The following P4HA1 variants were observed in gnomAD, a reference collection of about 807,000 sequenced individuals.
The protein encoded by P4HA1 is prolyl 4-hydroxylase subunit alpha 1.
A neutral mutation model predicts 72.8 loss-of-function variants in P4HA1; 24 were observed. That is an observed-to-expected ratio of 0.33 (90% CI 0.24 to 0.46). The LOEUF (loss-of-function observed/expected upper bound fraction) is 0.46. P4HA1 is among the 20% of genes least tolerant of loss of function. The pLI is 1.00. For missense variants in P4HA1, 446 were observed against 640.6 expected (o/e 0.70, Z 3.28); for synonymous variants, 201 against 218.8 (o/e 0.92, Z 0.72).
chr10:73,014,432 T>C, intron 11 of P4HA1, 143 bp from the exon 12 acceptor site: 1 of 622,448 alleles, frequency 1.6e-6, no homozygotes, highest in Middle Eastern at 3.4e-4. Flanking sequence ...TCCAGTGCAC[T>C]ATAAACATCA....
At chr10:73,079,511 G>GC (rs1841777393) in intron 1 of P4HA1, among the ~76,000 whole-genome samples, 2 of 152,194 alleles carry the variant, frequency 1.3e-5, no homozygotes, top group Admixed American at 1.3e-4. Flanking sequence ...GGAGGCCAAG[G>GC]TGGATGGATC....
At chr10:73,028,244 GAAGAA>G (rs1015143751) in intron 10 of P4HA1, among the ~76,000 whole-genome samples, 8 of 148,438 alleles carry the variant, frequency 5.4e-5, no homozygotes, top group East Asian at 2.0e-4. Flanking sequence ...AAAAAAAACA[GAAGAA>G]AAGACCACGT....
chr10:73,075,419 T>A (rs759509293), intron 1 of P4HA1, among the ~76,000 whole-genome samples: 1 of 152,160 alleles, frequency 6.6e-6, no homozygotes, highest in East Asian at 1.9e-4. Context: ...TAGATAAAAA[T>A]GTATGTTTGT....
chr10:73,046,391 T>C (rs949129564), intron 8 of P4HA1, among the ~76,000 whole-genome samples: 3 of 152,178 alleles, frequency 2.0e-5, no homozygotes, highest in African/African-American at 7.2e-5. Context: ...ACTAAGCTTA[T>C]AGATTGGGTT....
intron 2 of P4HA1, among the ~76,000 whole-genome samples, chr10:73,074,322 A>G (rs1841640508): frequency 6.6e-6 from 1 of 152,154 alleles, no homozygotes; most frequent in Non-Finnish European, 1.5e-5. Context: ...TCATAAGTAT[A>G]TAATACTTAT....
intron 14 of P4HA1, among the ~76,000 whole-genome samples, chr10:73,009,464 T>C (rs186132114): frequency 7.1e-4 from 108 of 152,348 alleles, no homozygotes; most frequent in Admixed American, 3.4e-3. Context: ...ACTTAGGCAG[T>C]CACCATCTTC....
intron 5 of P4HA1, among the ~76,000 whole-genome samples, chr10:73,060,821 A>T (rs1295822112): frequency 6.6e-6 from 1 of 152,166 alleles, no homozygotes; most frequent in Non-Finnish European, 1.5e-5. Flanking sequence ...AAAAAAAATA[A>T]TAATATCCAT....
chr10:73,040,019 T>G (rs1423114529), intron 9 of P4HA1, among the ~76,000 whole-genome samples: 2 of 151,786 alleles, frequency 1.3e-5, no homozygotes, highest in East Asian at 3.9e-4. Flanking sequence ...GCACCATCAC[T>G]CTCAGCTAAT....
chr10:73,063,949 G>A (rs928771440), intron 5 of P4HA1, among the ~76,000 whole-genome samples: 3 of 151,556 alleles, frequency 2.0e-5, no homozygotes, highest in African/African-American at 7.3e-5. Flanking sequence ...AGAAAACAAA[G>A]AAGAAAATGA....
intron 14 of P4HA1, among the ~76,000 whole-genome samples, chr10:73,008,943 T>C (rs1465609786): frequency 6.6e-6 from 1 of 152,152 alleles, no homozygotes. Context: ...CATCAAACCC[T>C]GACAATTTTC....
rs766663733 is a variant in P4HA1 at position 73,014,278 on chromosome 10, T to C, written c.1314A>G (p.Pro438=). The C allele has an allele frequency of 6.2e-7, 1 of 1,612,210 alleles. No individual in the cohort carries two copies. The highest frequency in any genetic ancestry group is 2.2e-5 in the East Asian group (1 of 44,858). Residue 438 remains proline (P), a synonymous_variant, in exon 12 of 15, where the codon CCA becomes CCG. Coordinates refer to ENST00000394890, the MANE Select transcript of P4HA1 (RefSeq NM_001017962.3). ...CTGTCCCCAGCTCTTTGAAAGCATCTGGCTCATCTTTCTGTGAATAAAAAC... is the reference window on the plus strand; with the variant it reads ...CTGTCCCCAGCTCTTTGAAAGCATCCGGCTCATCTTTCTGTGAATAAAAAC... The part of the protein sequence containing the change: ...PHFDFARKDE[P]DAFKELGTGN...
At chr10:73,024,769 G>T (rs1009102860) in intron 10 of P4HA1, among the ~76,000 whole-genome samples, 1 of 151,982 alleles carries the variant, frequency 6.6e-6, no homozygotes, top group Admixed American at 6.6e-5. Context: ...AGAAAAGAGA[G>T]AATAATCAAA....
intron 8 of P4HA1, among the ~76,000 whole-genome samples, chr10:73,045,653 G>C (rs1211191456): frequency 2.6e-5 from 4 of 152,012 alleles, no homozygotes; most frequent in Non-Finnish European, 5.9e-5. Flanking sequence ...TGACCGCCTA[G>C]ATAATAATTT....
At chr10:73,085,673 G>A (rs748403397) in intron 1 of P4HA1, among the ~76,000 whole-genome samples, 40 of 151,978 alleles carry the variant, frequency 2.6e-4, no homozygotes, top group Admixed American at 5.9e-4. Context: ...GTGACCCACC[G>A]CACCCGGCCA....
intron 7 of P4HA1, among the ~76,000 whole-genome samples, chr10:73,047,549 CAAAA>C (rs1167975608): frequency 1.2e-4 from 7 of 59,120 alleles, no homozygotes; most frequent in East Asian, 6.1e-4. Context: ...ATGCTTGTGG[CAAAA>C]AAAAAAAAAA....
In P4HA1 at chr10:73,009,846, G is replaced by T. The variant is rs200529312; in HGVS notation, c.1495C>A (p.Arg499=). 3.7e-5 allele frequency: 59 copies of T among 1,608,976 alleles called. No individual in the cohort carries two copies. Among genetic ancestry groups the T allele is most frequent in the Non-Finnish European group, 4.8e-5 (56 of 1,175,534 alleles). Reference sequence around the variant, plus strand: ...ACTAGCACTGGACAGGCTGCATGCCGTGTACTATAATCTCCTTCTCCACTG... The same window carrying T: ...ACTAGCACTGGACAGGCTGCATGCCTTGTACTATAATCTCCTTCTCCACTG... ...FASGEGDYST[R]HAACPVLVGN... The change falls in exon 14 of 15, where the codon CGG becomes AGG. Residue 499 remains arginine (R), a synonymous_variant. Transcript: ENST00000394890.
intron 10 of P4HA1, among the ~76,000 whole-genome samples, chr10:73,017,110 CAGATGTATATATAGATATCTAT>C (rs1266584920): frequency 6.7e-6 from 1 of 149,910 alleles, no homozygotes; most frequent in Non-Finnish European, 1.5e-5. Context: ...TCTATATCTA[CAGATGTATATATAGATATCTAT>C]ATCTACAGAT....
intron 1 of P4HA1, among the ~76,000 whole-genome samples, chr10:73,087,142 C>T (rs1469368379): frequency 6.6e-6 from 1 of 150,758 alleles, no homozygotes; most frequent in Non-Finnish European, 1.5e-5. Flanking sequence ...TTCTTACCAG[C>T]ATTTTGTATT....
At chr10:73,025,205 G>C (rs112630967) in intron 10 of P4HA1, among the ~76,000 whole-genome samples, 21 of 152,138 alleles carry the variant, frequency 1.4e-4, no homozygotes, top group Admixed American at 2.0e-4. Flanking sequence ...GGCCAATATC[G>C]CTGATGAACA....
Sources: gnomAD v4.1 joint callset for allele counts (sites outside exome capture counted in the v4.1 genomes callset) on GRCh38, gnomAD v4.1.1 for gene constraint, MANE v1.5 for transcripts, NCBI Gene and HGNC (gene_info 2026-07-23, HGNC 2026-07-21) for gene names.